The following ORAI2 variants were observed in gnomAD, a reference collection of about 807,000 sequenced individuals.
The protein encoded by ORAI2 is protein orai-2.
Under a neutral mutation model 16.2 loss-of-function variants are expected in ORAI2, and 10 were observed. The observed-to-expected ratio is 0.62, with a 90% CI of 0.38 to 1.04. The LOEUF is 1.04. ORAI2 is among the 50% of genes least tolerant of loss of function. The pLI is 0.01. For synonymous variants in ORAI2, 150 were observed against 157.5 expected (o/e 0.95, Z 0.35); for missense variants, 238 against 355.5 (o/e 0.67, Z 2.66).
intron 2 of ORAI2, 106 bp from the exon 3 acceptor site, chr7:102,438,838 C>A: frequency 1.0e-6 from 1 of 988,906 alleles, no homozygotes; most frequent in Non-Finnish European, 1.6e-6. Context: ...TGGGCTCTGG[C>A]GTGGGCTGTA....
chr7:102,442,804 C>A (rs538671688), intron 3 of ORAI2, among the ~76,000 whole-genome samples: 1 of 150,736 alleles, frequency 6.6e-6, no homozygotes, highest in Non-Finnish European at 1.5e-5. Context: ...TGGAGTGAGC[C>A]GAGAACATGC....
chr7:102,444,160 C>T (rs115031028), intron 3 of ORAI2, among the ~76,000 whole-genome samples: 1,770 of 152,254 alleles, frequency 0.012, 47 homozygotes, highest in African/African-American at 0.041. Flanking sequence ...CGCTCCATTG[C>T]CCAGGCTGGG....
At position 102,456,768 on chromosome 7, in the gene ORAI2, G is replaced by A; in HGVS notation, c.*9716G>A. 6.6e-6 allele frequency: 1 copy of A among 151,952 alleles called. No individual in the cohort carries two copies. The highest frequency in any genetic ancestry group is 1.9e-4 in the East Asian group (1 of 5,180). 9.4% of individuals were successfully genotyped at this position (151,952 alleles called of 1,614,324 possible). On this transcript the variant is annotated 3_prime_UTR_variant, in exon 4 of 4. Coordinates refer to ENST00000495936, the MANE Select transcript of ORAI2 (RefSeq NM_001126340.3). ...TCCCCAAATGAAGGGACTGGACAGT[G>A]AGATATCGGGAAACCCCATGAAAAT...
chr7:102,433,992 A>G lies in ORAI2; in HGVS notation c.-123+331A>G, dbSNP rs1047473364. Among the ~76,000 whole-genome samples, 9 of 151,968 alleles carry G rather than the reference A, an allele frequency of 5.9e-5. 1 individual carries two copies. ...GCCATTGCCGGTGCCCCAGATGCTT[A>G]GAGGAAGTCAAACTCCAAGACCGCC... On this transcript the variant is annotated intron_variant, in intron 1 of 3. Transcript: ENST00000495936. This position sits in a 1 kb window ranked among gnomAD's most constrained non-coding sequence, Gnocchi z 4.6.
Position 102,450,304 on chromosome 7 carries a change from C to A in ORAI2, c.*3252C>A, listed in dbSNP as rs954694001. 1 of 152,264 alleles carries A rather than the reference C, an allele frequency of 6.6e-6. No individual in the cohort carries two copies. Among genetic ancestry groups the A allele is most frequent in the African/African-American group, 2.4e-5 (1 of 41,476 alleles). The allele number at this position is 152,264 out of a possible 1,614,324, so 9.4% of individuals were successfully genotyped here. On this transcript the variant is annotated 3_prime_UTR_variant, in exon 4 of 4. Transcript: ENST00000495936. Reference sequence around the variant, plus strand: ...CAGGCTGGCTCTCCTAAACAAACGGCTCCCCACGGCTGGGAGAGGCAGCAG... The same window carrying A: ...CAGGCTGGCTCTCCTAAACAAACGGATCCCCACGGCTGGGAGAGGCAGCAG...
rs557990285 is a variant in ORAI2, at chr7:102,446,496, G to A, written c.226-17G>A. On this transcript the variant is annotated splice_polypyrimidine_tract_variant and intron_variant, in intron 3 of 3. Transcript: ENST00000495936. ...GCCCTCTCCACACCCAGCACCACTC[G>A]TCTGCTGTCCCCGCAGGTGGCCATG... 6.0e-5 allele frequency: 95 copies of A among 1,595,478 alleles called. No individual in the cohort carries two copies. Among genetic ancestry groups the A allele is most frequent in the South Asian group, 2.6e-4 (23 of 88,380 alleles).
Position 102,447,583 on chromosome 7 carries a change from C to T in ORAI2, c.*531C>T, listed in dbSNP as rs938389625. ...GGGCTTGGTGCTTCCCTGCCTGGCCCTGGAGGGAGCTGGGTGGCCTGGCTT... is the reference window on the plus strand; with the variant it reads ...GGGCTTGGTGCTTCCCTGCCTGGCCTTGGAGGGAGCTGGGTGGCCTGGCTT... On this transcript the variant is annotated 3_prime_UTR_variant, in exon 4 of 4. Transcript: ENST00000495936. 1 of 155,400 alleles carries T rather than the reference C, an allele frequency of 6.4e-6. No individual in the cohort carries two copies. Among genetic ancestry groups the T allele is most frequent in the African/African-American group, 2.4e-5 (1 of 41,428 alleles). 9.6% of individuals were successfully genotyped at this position (155,400 alleles called of 1,614,324 possible).
At chr7:102,440,971 C>T (rs1435982941) in intron 3 of ORAI2, among the ~76,000 whole-genome samples, 1 of 152,128 alleles carries the variant, frequency 6.6e-6, no homozygotes, top group Non-Finnish European at 1.5e-5. Flanking sequence ...CAGCTCACTG[C>T]AGCCTCTGCC....
chr7:102,444,170 G>C (rs987968206), intron 3 of ORAI2, among the ~76,000 whole-genome samples: 10 of 151,842 alleles, frequency 6.6e-5, no homozygotes, highest in Non-Finnish European at 1.0e-4. Flanking sequence ...CCCAGGCTGG[G>C]GTGCAGTGGT....
At position 102,449,694 on chromosome 7, in the gene ORAI2, A is replaced by G; in HGVS notation, c.*2642A>G. On this transcript the variant is annotated 3_prime_UTR_variant, in exon 4 of 4. Transcript: ENST00000495936. Reference sequence around the variant, plus strand: ...TGCACTCCAGCCTGGACAACAGAGCAAAACTCTGTCTCAAAAAATAATAAA... The same window carrying G: ...TGCACTCCAGCCTGGACAACAGAGCGAAACTCTGTCTCAAAAAATAATAAA... The G allele has an allele frequency of 1.3e-5, 2 of 151,112 alleles. No homozygotes were observed. The highest frequency in any genetic ancestry group is 3.0e-5 in the Non-Finnish European group (2 of 67,724). 9.4% of individuals were successfully genotyped at this position (151,112 alleles called of 1,614,324 possible). A position where few individuals can be genotyped will look rare whatever the true frequency, so the allele number is the denominator to read the frequency against.
Position 102,436,257 on chromosome 7 carries a change from A to T in ORAI2, c.-90A>T. 3 of 974,546 alleles carry T rather than the reference A, an allele frequency of 3.1e-6. No homozygotes were observed. The highest frequency in any genetic ancestry group is 3.7e-6 in the Non-Finnish European group (3 of 819,824). The allele number at this position is 974,546 out of a possible 1,614,324, so 60.4% of individuals were successfully genotyped here. A position where few individuals can be genotyped will look rare whatever the true frequency, so the allele number is the denominator to read the frequency against. ...ACGTCCCAGGGATGGAAGTGCTTGG[A>T]TGCGGTGCTGCTGGCTGCGGATGTG... On this transcript the variant is annotated 5_prime_UTR_variant, in exon 2 of 4. The change abolishes an upstream ATG in the 5' untranslated region. Transcript: ENST00000495936.
chr7:102,441,095 G>C (rs1026443294), intron 3 of ORAI2, among the ~76,000 whole-genome samples: 6 of 151,536 alleles, frequency 4.0e-5, no homozygotes, highest in Non-Finnish European at 5.9e-5. Context: ...GTTTCACCAT[G>C]TTGGCCAGGC....
intron 3 of ORAI2, among the ~76,000 whole-genome samples, chr7:102,444,686 GAC>G (rs1797297791): frequency 9.7e-6 from 1 of 102,922 alleles, no homozygotes. Flanking sequence ...TTTTTTTTGA[GAC>G]AAAGTCCTGC....
Position 102,449,031 on chromosome 7 carries a change from G to C in ORAI2, c.*1979G>C, listed in dbSNP as rs1441692414. The C allele has an allele frequency of 6.6e-6, 1 of 152,306 alleles. No individual in the cohort carries two copies. The highest frequency in any genetic ancestry group is 2.1e-4 in the South Asian group (1 of 4,824). The allele number at this position is 152,306 out of a possible 1,614,324, so 9.4% of individuals were successfully genotyped here. A position where few individuals can be genotyped will look rare whatever the true frequency, so the allele number is the denominator to read the frequency against. On this transcript the variant is annotated 3_prime_UTR_variant, in exon 4 of 4. Transcript: ENST00000495936. ...GGAAATGTGGCTGCAGCAGAGAACA[G>C]AGACCCTGACATGCAGTTTTCCGTG...
chr7:102,437,189 T>C (rs1456602157), intron 2 of ORAI2, among the ~76,000 whole-genome samples: 1 of 152,238 alleles, frequency 6.6e-6, no homozygotes, highest in Non-Finnish European at 1.5e-5. Context: ...GCCTTCTGTT[T>C]CTCCTTAAAA....
In ORAI2 at chr7:102,454,309, ATC is replaced by A. The variant is rs1297867933; in HGVS notation, c.*7259_*7260del. On this transcript the variant is annotated 3_prime_UTR_variant, in exon 4 of 4. Transcript: ENST00000495936. ...CTGGGGAGGCTGAGGTGGGAGAATCATCTGAGCCCAGGGAGGTTGAGACTGCA... is the reference window on the plus strand; with the variant it reads ...CTGGGGAGGCTGAGGTGGGAGAATCATGAGCCCAGGGAGGTTGAGACTGCA... 1 of 152,612 alleles carries A rather than the reference ATC, an allele frequency of 6.6e-6. No individual in the cohort carries two copies. The highest frequency in any genetic ancestry group is 1.5e-5 in the Non-Finnish European group (1 of 68,056). 9.5% of individuals were successfully genotyped at this position (152,612 alleles called of 1,614,324 possible).
rs905012082 is a variant in ORAI2, at chr7:102,454,615, C to T, written c.*7563C>T. 1.1e-4 allele frequency: 17 copies of T among 152,768 alleles called. No individual in the cohort carries two copies. Among genetic ancestry groups the T allele is most frequent in the African/African-American group, 4.1e-4 (17 of 41,466 alleles). 9.5% of individuals were successfully genotyped at this position (152,768 alleles called of 1,614,324 possible). On this transcript the variant is annotated 3_prime_UTR_variant, in exon 4 of 4. Coordinates refer to ENST00000495936, the MANE Select transcript of ORAI2 (RefSeq NM_001126340.3). ...GTGTTTCCTGAACATCTTTCTGAAG[C>T]GGCTGAGGGATGTCAGCTGAGCCCC...
In ORAI2 at chr7:102,456,587, G is replaced by A. The variant is rs1317039328; in HGVS notation, c.*9535G>A. ...TGTTAACAGCGTTATGGGGCTGGAA[G>A]GAGGCTCTCAGATTTCCCTGCCCTC... On this transcript the variant is annotated 3_prime_UTR_variant, in exon 4 of 4. Transcript: ENST00000495936. The A allele has an allele frequency of 1.3e-5, 2 of 152,138 alleles. 1 individual carries two copies. The highest frequency in any genetic ancestry group is 3.9e-4 in the East Asian group (2 of 5,170). 9.4% of individuals were successfully genotyped at this position (152,138 alleles called of 1,614,324 possible).
At position 102,447,444 on chromosome 7, in the gene ORAI2, G is replaced by C. The variant is rs995186848; in HGVS notation, c.*392G>C. ...TGGGAGAGCCAGGGCAGGGTTTTGC[G>C]TTCAGAGAAGGATTGCCCCAGAGAC... On this transcript the variant is annotated 3_prime_UTR_variant, in exon 4 of 4. Coordinates refer to ENST00000495936, the MANE Select transcript of ORAI2 (RefSeq NM_001126340.3). 3 of 215,404 alleles carry C rather than the reference G, an allele frequency of 1.4e-5. No homozygotes were observed. The highest frequency in any genetic ancestry group is 1.0e-4 in the Admixed American group (2 of 19,170). 13.3% of individuals were successfully genotyped at this position (215,404 alleles called of 1,614,324 possible).
Sources: allele counts gnomAD v4.1 joint callset (sites outside exome capture counted in the v4.1 genomes callset), GRCh38; gene constraint gnomAD v4.1.1; non-coding constraint Gnocchi (gnomAD v3.1); transcripts MANE v1.5; gene names NCBI Gene and HGNC (gene_info 2026-07-23, HGNC 2026-07-21).